The following NRXN1 variants were observed in gnomAD, a reference collection of about 807,000 sequenced individuals.
The protein encoded by NRXN1 is neurexin 1.
A neutral mutation model predicts 150.9 loss-of-function variants in NRXN1; 39 were observed. The ratio of observed to expected loss-of-function variants is 0.26; its 90% CI spans 0.20 to 0.34. The LOEUF is 0.34. Among genes scored for constraint, NRXN1 ranks in the 10% least tolerant of loss-of-function variants. NRXN1 has a pLI of 1.00. For missense variants in NRXN1, 1,815 were observed against 1,949.9 expected (o/e 0.93, Z 1.30); for synonymous variants, 924 against 757.0 (o/e 1.22, Z -3.62).
intron 17 of NRXN1, among the ~76,000 whole-genome samples, chr2:50,244,533 T>A (rs189224977): frequency 6.6e-6 from 1 of 151,986 alleles, no homozygotes; most frequent in Admixed American, 6.6e-5. Context: ...AGCCTTCCTA[T>A]CTCTTGATTT....
Position 50,829,146 on chromosome 2 carries a change from G to A in NRXN1, c.832+92723C>T, listed in dbSNP as rs370959994. Among the ~76,000 whole-genome samples, 82 of 152,282 alleles carry A rather than the reference G, an allele frequency of 5.4e-4. No homozygotes were observed. The South Asian group carries it at 0.016, about 30-fold the overall frequency. On this transcript the variant is annotated intron_variant, in intron 5 of 22. Transcript: ENST00000401669. ...CGGCAGGCTGAGGCAGGAGACTCAG[G>A]CAGGGAGGTTGCAGTGAGCCGAGAT...
intron 21 of NRXN1, among the ~76,000 whole-genome samples, chr2:50,038,080 G>T (rs1255925773): frequency 6.6e-6 from 1 of 152,162 alleles, no homozygotes; most frequent in African/African-American, 2.4e-5. Context: ...CTTAGAATAT[G>T]ATATGTAGAG....
intron 5 of NRXN1, among the ~76,000 whole-genome samples, chr2:50,878,763 A>G (rs1305262873): frequency 6.6e-6 from 1 of 151,976 alleles, no homozygotes; most frequent in Non-Finnish European, 1.5e-5. Context: ...GAAAAAGCTT[A>G]TAATTTAAAA....
intron 19 of NRXN1, among the ~76,000 whole-genome samples, chr2:50,068,668 C>G (rs1695739727): frequency 6.6e-6 from 1 of 152,164 alleles, no homozygotes; most frequent in Non-Finnish European, 1.5e-5. Flanking sequence ...ATGGTAAGCA[C>G]TCAGTAAATA....
intron 18 of NRXN1, among the ~76,000 whole-genome samples, chr2:50,192,429 A>G (rs2061501271): frequency 6.6e-6 from 1 of 152,206 alleles, no homozygotes; most frequent in South Asian, 2.1e-4. Flanking sequence ...ATAAAATACT[A>G]TGTAGCAATT....
At chr2:50,184,838 A>G (rs959392517) in intron 18 of NRXN1, among the ~76,000 whole-genome samples, 2 of 152,094 alleles carry the variant, frequency 1.3e-5, no homozygotes, top group Non-Finnish European at 2.9e-5. Flanking sequence ...CATATTATCG[A>G]CATTTTGCTA....
intron 17 of NRXN1, among the ~76,000 whole-genome samples, chr2:50,459,937 G>A (rs895269833): frequency 2.6e-5 from 4 of 152,028 alleles, no homozygotes; most frequent in Non-Finnish European, 5.9e-5. Flanking sequence ...CTGTTGTGTT[G>A]CTACAGATGG....
At chr2:50,837,368 G>A (rs1672262564) in intron 5 of NRXN1, among the ~76,000 whole-genome samples, 1 of 152,138 alleles carries the variant, frequency 6.6e-6, no homozygotes. Flanking sequence ...AGAGCATAAT[G>A]GTTTGGGGCA....
intron 17 of NRXN1, among the ~76,000 whole-genome samples, chr2:50,251,211 G>A (rs1186011442): frequency 1.3e-5 from 2 of 151,864 alleles, no homozygotes; most frequent in Non-Finnish European, 2.9e-5. Context: ...GCACCACTGT[G>A]GTGAGCTCCC....
At chr2:50,528,515 G>A (rs748171584) in intron 12 of NRXN1, 110 bp downstream of exon 12, 82 of 681,426 alleles carry the variant, frequency 1.2e-4, no homozygotes, top group Non-Finnish European at 1.7e-4. Flanking sequence ...TTAAAAGTGA[G>A]CTCATGAGTT....
rs899286462 is a variant in NRXN1 at position 50,423,081 on chromosome 2, T to C, written c.3364+42361A>G. ...GTCTACTAGCTCACAATTTTCCACA[T>C]TGAATCCTTGACAAGTGAGAATTAT... On this transcript the variant is annotated intron_variant, in intron 17 of 22. Coordinates refer to ENST00000401669, the MANE Select transcript of NRXN1 (RefSeq NM_001330078.2). Among the ~76,000 whole-genome samples, 14 of 152,192 alleles carry C rather than the reference T, an allele frequency of 9.2e-5. No individual in the cohort carries two copies. The East Asian group carries it at 9.6e-4, about 10-fold the overall frequency.
chr2:50,131,180 G>A (rs12478732), intron 18 of NRXN1, among the ~76,000 whole-genome samples: 39,304 of 151,996 alleles, frequency 0.26, 5,536 homozygotes, highest in Admixed American at 0.39. Context: ...GTTGAAAGCT[G>A]TAAACATGTT....
At chr2:50,150,561 T>C (rs2058638083) in intron 18 of NRXN1, among the ~76,000 whole-genome samples, 1 of 151,782 alleles carries the variant, frequency 6.6e-6, no homozygotes, top group African/African-American at 2.4e-5. Flanking sequence ...TCCAGTGAGG[T>C]GTATCTGTCA....
intron 17 of NRXN1, among the ~76,000 whole-genome samples, chr2:50,302,362 G>T (rs192269533): frequency 2.0e-3 from 309 of 152,174 alleles, no homozygotes; most frequent in African/African-American, 6.7e-3. Context: ...TTGTATTCTT[G>T]AAATAATGAA....
chr2:50,472,965 A>C (rs1347806859), intron 15 of NRXN1, among the ~76,000 whole-genome samples: 1 of 151,932 alleles, frequency 6.6e-6, no homozygotes, highest in African/African-American at 2.4e-5. Context: ...CAAAAGTATA[A>C]AGTGGACACA....
chr2:50,735,693 C>T (rs1029691488), intron 5 of NRXN1, among the ~76,000 whole-genome samples: 3 of 152,072 alleles, frequency 2.0e-5, no homozygotes, highest in Admixed American at 6.6e-5. Flanking sequence ...TCAATTAGTC[C>T]CATACCCAAA....
chr2:50,067,686 G>T (rs1695569575), intron 19 of NRXN1, among the ~76,000 whole-genome samples: 1 of 152,150 alleles, frequency 6.6e-6, no homozygotes, highest in Non-Finnish European at 1.5e-5. Context: ...ACAAAAACAG[G>T]CAGAGCCATT....
intron 5 of NRXN1, among the ~76,000 whole-genome samples, chr2:50,860,556 G>A (rs1031458085): frequency 2.0e-5 from 3 of 152,084 alleles, no homozygotes; most frequent in African/African-American, 4.8e-5. Flanking sequence ...TATAGGGCAT[G>A]TGGGCACTTG....
At chr2:50,504,938 T>C (rs147156072) in intron 13 of NRXN1, among the ~76,000 whole-genome samples, 3 of 152,320 alleles carry the variant, frequency 2.0e-5, no homozygotes, top group South Asian at 2.1e-4. Context: ...CTTTAAAGCC[T>C]AGATCAAACA....
Sources: allele counts gnomAD v4.1 joint callset (sites outside exome capture counted in the v4.1 genomes callset), GRCh38; gene constraint gnomAD v4.1.1; transcripts MANE v1.5; gene names NCBI Gene and HGNC (gene_info 2026-07-23, HGNC 2026-07-21).